SENP7: variants seen among roughly 807,000 people sequenced by gnomAD.
SENP7 encodes SUMO specific peptidase 7, also known as sentrin-specific protease 7.
SENP7 carries 64 observed loss-of-function variants against 141.2 expected under a neutral mutation model. The observed-to-expected ratio is 0.45, with a 90% CI of 0.37 to 0.56. The LOEUF is 0.56. Ranked by LOEUF, SENP7 falls within the 20% of genes least tolerant of loss-of-function variation. SENP7 has a pLI of 0.00. For missense variants in SENP7, 1,025 were observed against 1,212.2 expected (o/e 0.85, Z 2.29); for synonymous variants, 382 against 426.4 (o/e 0.90, Z 1.28).
intron 8 of SENP7, among the ~76,000 whole-genome samples, chr3:101,367,259 AC>A (rs2060060501): frequency 6.6e-6 from 1 of 152,126 alleles, no homozygotes; most frequent in African/African-American, 2.4e-5. Flanking sequence ...CAAAAACATT[AC>A]AAGGTCCTGA....
chr3:101,462,989 A>C (rs1194329179), intron 3 of SENP7, among the ~76,000 whole-genome samples: 1 of 152,220 alleles, frequency 6.6e-6, no homozygotes, highest in Non-Finnish European at 1.5e-5. Context: ...TACAGATTGA[A>C]AGTATTTGCA....
At chr3:101,352,342 A>G (rs2059632812) in intron 11 of SENP7, among the ~76,000 whole-genome samples, 1 of 152,038 alleles carries the variant, frequency 6.6e-6, no homozygotes, top group Non-Finnish European at 1.5e-5. Context: ...GGTAATATAA[A>G]TTAAGTCCCT....
chr3:101,468,762 T>C (rs2063860415), intron 3 of SENP7, among the ~76,000 whole-genome samples: 2 of 152,062 alleles, frequency 1.3e-5, no homozygotes, highest in South Asian at 2.1e-4. Flanking sequence ...ACATGCCAAA[T>C]TGTAAACACC....
chr3:101,489,855 T>C (rs2064889910), intron 3 of SENP7, among the ~76,000 whole-genome samples: 1 of 152,148 alleles, frequency 6.6e-6, no homozygotes, highest in African/African-American at 2.4e-5. Context: ...CAGAAAATGT[T>C]TTTAACGTCA....
At chr3:101,463,394 T>TACACAC (rs1292258652) in intron 3 of SENP7, among the ~76,000 whole-genome samples, 1 of 86,834 alleles carries the variant, frequency 1.2e-5, no homozygotes, top group Non-Finnish European at 2.2e-5. Context: ...TATATATATA[T>TACACAC]ATACATATAT....
At position 101,463,764 on chromosome 3, in the gene SENP7, G is replaced by A. The variant is rs1234061810; in HGVS notation, c.187-4712C>T. On this transcript the variant is annotated intron_variant, in intron 3 of 23. Coordinates refer to ENST00000394095, the MANE Select transcript of SENP7 (RefSeq NM_020654.5). ...TATCAAGAGCAGCCAAGTAGAAGAAGACAGAGATGTTGAAATTACCAGAAA... is the reference window on the plus strand; with the variant it reads ...TATCAAGAGCAGCCAAGTAGAAGAAAACAGAGATGTTGAAATTACCAGAAA... 2.0e-5 allele frequency among the ~76,000 whole-genome samples: 3 copies of A among 151,900 alleles called. 1 individual carries two copies. Among genetic ancestry groups the A allele is most frequent in the African/African-American group, 7.3e-5 (3 of 41,366 alleles).
intron 11 of SENP7, among the ~76,000 whole-genome samples, chr3:101,360,717 A>G (rs1018305540): frequency 6.6e-6 from 1 of 152,250 alleles, no homozygotes; most frequent in Non-Finnish European, 1.5e-5. Context: ...AGAAGTTTAT[A>G]TAAGAATATA....
At position 101,331,990 on chromosome 3, in the gene SENP7, G is replaced by A. The variant is rs763711057; in HGVS notation, c.2693C>T (p.Thr898Ile). The A allele has an allele frequency of 4.3e-6, 7 of 1,613,092 alleles. No individual in the cohort carries two copies. The East Asian group carries it at 1.3e-4, about 31-fold the overall frequency. The change falls in exon 19 of 24, where the codon ACA becomes ATA. Residue 898 changes from threonine (T) to isoleucine (I), a missense_variant. Physicochemically the swap from Thr to Ile is moderately conservative, Grantham distance 89. Around this residue, in one of 4 missense-constraint regions of SENP7, gnomAD observed 295 missense variants for 459.1 expected, o/e 0.64. Coordinates refer to ENST00000394095, the MANE Select transcript of SENP7 (RefSeq NM_020654.5). ...ATCTACGTTATGGATGTCACCTATT[G>A]TTTTGTTGTCATTTTGGGACTGCTG... Reference protein sequence around the residue: ...QAQQSQNDNKTIDNDLRTTST... With the variant: ...QAQQSQNDNKIIDNDLRTTST...
chr3:101,341,815 T>G (rs768558802), intron 14 of SENP7, 36 bp from the exon 15 acceptor site: 1 of 1,530,286 alleles, frequency 6.5e-7, no homozygotes, highest in Non-Finnish European at 8.9e-7. Context: ...GTCTCAAACA[T>G]CATAACTTTC....
intron 13 of SENP7, among the ~76,000 whole-genome samples, chr3:101,345,065 T>C (rs371581814): frequency 6.6e-6 from 1 of 151,172 alleles, no homozygotes; most frequent in African/African-American, 2.4e-5. Context: ...TTCTGTTTCA[T>C]TGGTCTATTT....
chr3:101,398,988 G>T lies in SENP7; in HGVS notation c.550C>A (p.Pro184Thr). ...TCACTCAAACTTCCCTCAGTTACAG[G>T]TGGGGTCCTTATGTATTTTCTTCCT... Reference protein sequence around the residue: ...ELGRKYIRTPPVTEGSLSDTD... With the variant: ...ELGRKYIRTPTVTEGSLSDTD... Residue 184 changes from proline (P) to threonine (T), a missense_variant, in exon 6 of 24, where the codon CCT becomes ACT. Coordinates refer to ENST00000394095, the MANE Select transcript of SENP7 (RefSeq NM_020654.5). 6.2e-7 allele frequency: 1 copy of T among 1,613,506 alleles called. No homozygotes were observed. Among genetic ancestry groups the T allele is most frequent in the Non-Finnish European group, 8.5e-7 (1 of 1,179,644 alleles).
In SENP7 at chr3:101,341,662, T is replaced by C. The variant is rs775978434; in HGVS notation, c.2224A>G (p.Thr742Ala). 19 of 1,605,648 alleles carry C rather than the reference T, an allele frequency of 1.2e-5. No homozygotes were observed. The highest frequency in any genetic ancestry group is 1.0e-4 in the South Asian group (9 of 89,934). Residue 742 changes from threonine to alanine, a missense_variant, in exon 15 of 24, where the codon ACT becomes GCT. Physicochemically the swap from Thr to Ala is moderately conservative, Grantham distance 58 (BLOSUM62 0). Around this residue, in one of 4 missense-constraint regions of SENP7, gnomAD observed 295 missense variants for 459.1 expected, o/e 0.64. Coordinates refer to ENST00000394095, the MANE Select transcript of SENP7 (RefSeq NM_020654.5). ...PDEEWREVRH[T>A]GLVQKLIVYP... Reference sequence around the variant, plus strand: ...AGTACATACTTCTGAACAAGTCCAGTGTGCCTGACTTCTCGCCATTCTTCA... The same window carrying C: ...AGTACATACTTCTGAACAAGTCCAGCGTGCCTGACTTCTCGCCATTCTTCA...
In SENP7 at chr3:101,383,631, T is replaced by A. The variant is rs548616959; in HGVS notation, c.678-11505A>T. On this transcript the variant is annotated intron_variant, in intron 6 of 23. Coordinates refer to ENST00000394095, the MANE Select transcript of SENP7 (RefSeq NM_020654.5). ...CAAAGTTGAGGCCAAGGCGAGGCACTGTCACAACCTGGCCAGGTGTACACA... is the reference window on the plus strand; with the variant it reads ...CAAAGTTGAGGCCAAGGCGAGGCACAGTCACAACCTGGCCAGGTGTACACA... Among the ~76,000 whole-genome samples, 8 of 152,342 alleles carry A rather than the reference T, an allele frequency of 5.3e-5. No individual in the cohort carries two copies. The East Asian group carries it at 1.5e-3, about 29-fold the overall frequency.
rs1420580554 is a variant in SENP7, at chr3:101,366,641, G to T, written c.1107C>A (p.Ser369=). ...KPTKSDFTKL[S]SLNSQELTLS... Reference sequence around the variant, plus strand: ...AAGTCAACTCCTGACTGTTAAGTGAGGATAGTTTAGTAAAATCACTTTTTG... The same window carrying T: ...AAGTCAACTCCTGACTGTTAAGTGATGATAGTTTAGTAAAATCACTTTTTG... The change falls in exon 9 of 24, where the codon TCC becomes TCA. Residue 369 remains serine (S), a synonymous_variant. Transcript: ENST00000394095. 8.1e-6 allele frequency: 13 copies of T among 1,613,818 alleles called. No homozygotes were observed. The highest frequency in any genetic ancestry group is 1.1e-5 in the Non-Finnish European group (13 of 1,179,808).
intron 10 of SENP7, among the ~76,000 whole-genome samples, chr3:101,364,400 G>A (rs1249503443): frequency 6.6e-6 from 1 of 152,074 alleles, no homozygotes; most frequent in African/African-American, 2.4e-5. Context: ...AAACTTGATA[G>A]GTTTCTGACC....
At chr3:101,493,503 T>G (rs1336089190) in intron 3 of SENP7, among the ~76,000 whole-genome samples, 1 of 152,236 alleles carries the variant, frequency 6.6e-6, no homozygotes, top group Non-Finnish European at 1.5e-5. Context: ...AAAATAGCTT[T>G]TGAAATATAG....
At chr3:101,440,623 C>T (rs1378946280) in intron 4 of SENP7, among the ~76,000 whole-genome samples, 2 of 144,766 alleles carry the variant, frequency 1.4e-5, no homozygotes, top group East Asian at 3.9e-4. Flanking sequence ...TCCCCAAAAA[C>T]TCTTCCAGAA....
chr3:101,465,368 T>C (rs1211170543), intron 3 of SENP7, among the ~76,000 whole-genome samples: 2 of 152,164 alleles, frequency 1.3e-5, no homozygotes, highest in African/African-American at 4.8e-5. Flanking sequence ...CACCCAGCCA[T>C]ACTGGCATCC....
chr3:101,513,007 G>T, intron 1 of SENP7, 84 bp downstream of exon 1: 2 of 1,508,628 alleles, frequency 1.3e-6, no homozygotes, highest in Non-Finnish European at 1.8e-6. Context: ...GCGGCTTCGG[G>T]CCGCAACCCC....
Sources: gnomAD v4.1 joint callset for allele counts (sites outside exome capture counted in the v4.1 genomes callset) on GRCh38, gnomAD v4.1.1 for gene constraint, gnomAD v4.1.1 regional missense constraint, MANE v1.5 for transcripts, NCBI Gene and HGNC (gene_info 2026-07-23, HGNC 2026-07-21) for gene names.